Variants in ZC2HC1C observed in about 807,000 individuals in gnomAD.
The protein encoded by ZC2HC1C is zinc finger C2HC domain-containing protein 1C.
A neutral mutation model predicts 39.2 loss-of-function variants in ZC2HC1C; 25 were observed. The ratio of observed to expected loss-of-function variants is 0.64; its 90% CI spans 0.47 to 0.89. The LOEUF is 0.89. Among genes scored for constraint, ZC2HC1C ranks in the 40% least tolerant of loss-of-function variants. The probability of loss-of-function intolerance (pLI) is 0.00; values close to 1 mark genes in which losing one functional copy is unlikely to be tolerated. For synonymous variants in ZC2HC1C, 209 were observed against 214.4 expected (o/e 0.97, Z 0.22); for missense variants, 519 against 548.6 (o/e 0.95, Z 0.54).
Position 75,077,512 on chromosome 14 carries a change from G to A in ZC2HC1C, c.1339-20G>A. 1 of 1,614,130 alleles carries A rather than the reference G, an allele frequency of 6.2e-7. No individual in the cohort carries two copies. Among genetic ancestry groups the A allele is most frequent in the South Asian group, 1.1e-5 (1 of 91,074 alleles). Reference sequence around the variant, plus strand: ...AGATAGGTGCCAACTTGAATGATCAGTCTCCCTTTTACATTACAGGCTGAA... The same window carrying A: ...AGATAGGTGCCAACTTGAATGATCAATCTCCCTTTTACATTACAGGCTGAA... On this transcript the variant is annotated intron_variant, in intron 2 of 2. Coordinates refer to ENST00000524913, the MANE Select transcript of ZC2HC1C (RefSeq NM_024643.4).
intron 1 of ZC2HC1C, 55 bp from the exon 2 acceptor site, chr14:75,070,500 C>G: frequency 6.6e-7 from 1 of 1,522,878 alleles, no homozygotes; most frequent in Non-Finnish European, 8.8e-7. Flanking sequence ...CTTTAGCAGC[C>G]GAGAGTGAAC....
Position 75,071,293 on chromosome 14 carries a change from G to C in ZC2HC1C, c.720G>C (p.Lys240Asn). The C allele has an allele frequency of 6.2e-7, 1 of 1,614,148 alleles. No individual in the cohort carries two copies. The highest frequency in any genetic ancestry group is 1.3e-5 in the African/African-American group (1 of 75,036). Residue 240 changes from lysine to asparagine, a missense_variant, in exon 2 of 3, where the codon AAG becomes AAC. Coordinates refer to ENST00000524913, the MANE Select transcript of ZC2HC1C (RefSeq NM_024643.4). ...TTCTCCTGAGGGGAAAGCTGAAGAAGACAGAGGAGGAACTCAGAAGGATCC... is the reference window on the plus strand; with the variant it reads ...TTCTCCTGAGGGGAAAGCTGAAGAACACAGAGGAGGAACTCAGAAGGATCC... ...KQILLRGKLKKTEEELRRIQT... is the reference protein window; with the variant it reads ...KQILLRGKLKNTEEELRRIQT...
chr14:75,077,783 G>A lies in ZC2HC1C; in HGVS notation c.*219G>A. ...AGAACTGTCTTCCACCTCTAAGGAA[G>A]CATTATAGTTGAGCAGACAACAATG... On this transcript the variant is annotated 3_prime_UTR_variant, in exon 3 of 3. Transcript: ENST00000524913. 1.7e-6 allele frequency: 1 copy of A among 576,968 alleles called. No individual in the cohort carries two copies. The highest frequency in any genetic ancestry group is 3.1e-6 in the Non-Finnish European group (1 of 324,174). The allele number at this position is 576,968 out of a possible 1,614,324, so 35.7% of individuals were successfully genotyped here. A position where few individuals can be genotyped will look rare whatever the true frequency, so the allele number is the denominator to read the frequency against.
Position 75,078,526 on chromosome 14 carries a change from T to G in ZC2HC1C, c.*962T>G, listed in dbSNP as rs780227874. 3.9e-5 allele frequency: 6 copies of G among 152,228 alleles called. No individual in the cohort carries two copies. The highest frequency in any genetic ancestry group is 8.8e-5 in the Non-Finnish European group (6 of 68,044). The allele number at this position is 152,228 out of a possible 1,614,324, so 9.4% of individuals were successfully genotyped here. On this transcript the variant is annotated 3_prime_UTR_variant, in exon 3 of 3. Transcript: ENST00000524913. Reference sequence around the variant, plus strand: ...TATGTTAAGAAAGAAACCTCCATTTTAGCTGTTAGTAGCACTCTACTTTCA... The same window carrying G: ...TATGTTAAGAAAGAAACCTCCATTTGAGCTGTTAGTAGCACTCTACTTTCA...
intron 2 of ZC2HC1C, among the ~76,000 whole-genome samples, chr14:75,074,898 G>C (rs1236286747): frequency 6.6e-6 from 1 of 152,058 alleles, no homozygotes; most frequent in Non-Finnish European, 1.5e-5. Flanking sequence ...ATGGAAGCTG[G>C]GAGTGAAGTT....
Position 75,079,668 on chromosome 14 carries a change from T to G in ZC2HC1C, c.*2104T>G, listed in dbSNP as rs904986092. The G allele has an allele frequency of 6.6e-6, 1 of 152,170 alleles. No homozygotes were observed. The highest frequency in any genetic ancestry group is 1.9e-4 in the East Asian group (1 of 5,204). 9.4% of individuals were successfully genotyped at this position (152,170 alleles called of 1,614,324 possible). The stretch of plus-strand genomic sequence containing the variant: ...CATTTAAAAACTGGGATATGGAACA[T>G]CTCTTGAAAAACTGGAAGTTCTGGA... On this transcript the variant is annotated 3_prime_UTR_variant, in exon 3 of 3. Coordinates refer to ENST00000524913, the MANE Select transcript of ZC2HC1C (RefSeq NM_024643.4).
rs1209263483 is a variant in ZC2HC1C at position 75,071,214 on chromosome 14, G to A, written c.641G>A (p.Arg214Gln). The change falls in exon 2 of 3, where the codon CGA becomes CAA. Residue 214 changes from arginine (R) to glutamine (Q), a missense_variant. Coordinates refer to ENST00000524913, the MANE Select transcript of ZC2HC1C (RefSeq NM_024643.4). ...GACAGGACGGAGTGGGTGCAGATCC[G>A]AAGACTAGAAGCTGCAGGGGAGAGC... The part of the protein sequence containing the change: ...NFDRTEWVQI[R>Q]RLEAAGESLE... The A allele has an allele frequency of 6.2e-6, 10 of 1,614,068 alleles. No homozygotes were observed. The highest frequency in any genetic ancestry group is 7.6e-6 in the Non-Finnish European group (9 of 1,180,044).
Position 75,077,707 on chromosome 14 carries a change from A to G in ZC2HC1C, c.*143A>G, listed in dbSNP as rs1217532862. 2 of 967,878 alleles carry G rather than the reference A, an allele frequency of 2.1e-6. No homozygotes were observed. The highest frequency in any genetic ancestry group is 3.2e-5 in the African/African-American group (2 of 61,724). 60.0% of individuals were successfully genotyped at this position (967,878 alleles called of 1,614,324 possible). On this transcript the variant is annotated 3_prime_UTR_variant, in exon 3 of 3. Transcript: ENST00000524913. Reference sequence around the variant, plus strand: ...ATTCAGTGTCCTCAGTGTAGCCACCACTTTGCTCCCAAGGTGGCTGAGCAA... The same window carrying G: ...ATTCAGTGTCCTCAGTGTAGCCACCGCTTTGCTCCCAAGGTGGCTGAGCAA...
intron 2 of ZC2HC1C, among the ~76,000 whole-genome samples, chr14:75,075,500 C>G (rs1893625848): frequency 6.6e-6 from 1 of 152,166 alleles, no homozygotes; most frequent in South Asian, 2.1e-4. Flanking sequence ...GTACAGAATT[C>G]TAGGAGGAAA....
chr14:75,071,608 A>G lies in ZC2HC1C; in HGVS notation c.1035A>G (p.Pro345=), dbSNP rs1893419602. 1 of 1,614,066 alleles carries G rather than the reference A, an allele frequency of 6.2e-7. No individual in the cohort carries two copies. The highest frequency in any genetic ancestry group is 1.7e-5 in the Admixed American group (1 of 60,004). Residue 345 remains proline, a synonymous_variant, in exon 2 of 3, where the codon CCA becomes CCG. Coordinates refer to ENST00000524913, the MANE Select transcript of ZC2HC1C (RefSeq NM_024643.4). The stretch of plus-strand genomic sequence containing the variant: ...AAATTCGAGACCCAGTCTCAGAGCC[A>G]TCGGTGGAGAAATTCTCCCCGCCTT... ...NNKIRDPVSE[P]SVEKFSPPSE...
rs768225119 is a variant in ZC2HC1C, at chr14:75,071,680, C to T, written c.1107C>T (p.Ser369=). Residue 369 remains serine (S), a synonymous_variant, in exon 2 of 3, where the codon AGC becomes AGT. Coordinates refer to ENST00000524913, the MANE Select transcript of ZC2HC1C (RefSeq NM_024643.4). ...GALQGSARNS[S]LSMAPDSSGS... ...TGCAGGGATCCGCCAGAAATTCCAG[C>T]CTGTCCATGGCACCAGACTCCTCAG... The T allele has an allele frequency of 3.7e-6, 6 of 1,614,164 alleles. No homozygotes were observed. In the Admixed American group the frequency reaches 1.0e-4, roughly 27 times the overall value.
intron 2 of ZC2HC1C, among the ~76,000 whole-genome samples, chr14:75,073,172 G>T (rs1042416848): frequency 2.6e-5 from 4 of 152,178 alleles, no homozygotes; most frequent in South Asian, 4.1e-4. Flanking sequence ...GTAGTTTGGA[G>T]AAATCACAAG....
In ZC2HC1C at chr14:75,071,544, A is replaced by G. The variant is rs1210030928; in HGVS notation, c.971A>G (p.Gln324Arg). The change falls in exon 2 of 3, where the codon CAG (glutamine) becomes CGG (arginine). Residue 324 changes from glutamine to arginine, a missense_variant. Gln to Arg is a conservative substitution (Grantham distance 43, BLOSUM62 1). Coordinates refer to ENST00000524913, the MANE Select transcript of ZC2HC1C (RefSeq NM_024643.4). ...TTCCAGTTCTCTGATTATAGAATCCAGAGGCTCAAAAGGGAAAGGCTGGTA... is the reference window on the plus strand; with the variant it reads ...TTCCAGTTCTCTGATTATAGAATCCGGAGGCTCAAAAGGGAAAGGCTGGTA... ...GPFQFSDYRI[Q>R]RLKRERLVAS... The G allele has an allele frequency of 6.2e-7, 1 of 1,614,064 alleles. No individual in the cohort carries two copies. Among genetic ancestry groups the G allele is most frequent in the Non-Finnish European group, 8.5e-7 (1 of 1,180,036 alleles).
chr14:75,071,643 C>CA lies in ZC2HC1C; in HGVS notation c.1071dup (p.Val358SerfsTer27). On this transcript the variant is annotated frameshift_variant, in exon 2 of 3. Transcript: ENST00000524913. LOFTEE classifies it high-confidence loss of function. Reference sequence around the variant, plus strand: ...AAATTCTCCCCGCCTTCAGAAACACCAGTCGGTGCTTTGCAGGGATCCGCC... The same window carrying CA: ...AAATTCTCCCCGCCTTCAGAAACACCAAGTCGGTGCTTTGCAGGGATCCGCC... 6.2e-7 allele frequency: 1 copy of CA among 1,614,208 alleles called. No homozygotes were observed.
At chr14:75,073,334 C>T (rs1315147444) in intron 2 of ZC2HC1C, among the ~76,000 whole-genome samples, 1 of 152,224 alleles carries the variant, frequency 6.6e-6, no homozygotes, top group East Asian at 1.9e-4. Flanking sequence ...TGGGAATTCA[C>T]TCTATGTCCC....
rs931616813 is a variant in ZC2HC1C, at chr14:75,071,602, A to T, written c.1029A>T (p.Ser343=). ...ATAATAAAATTCGAGACCCAGTCTC[A>T]GAGCCATCGGTGGAGAAATTCTCCC... ...ASNNKIRDPV[S]EPSVEKFSPP... Residue 343 remains serine (S), a synonymous_variant, in exon 2 of 3, where the codon TCA becomes TCT. Coordinates refer to ENST00000524913, the MANE Select transcript of ZC2HC1C (RefSeq NM_024643.4). 3.5e-5 allele frequency: 57 copies of T among 1,614,104 alleles called. No individual in the cohort carries two copies. The highest frequency in any genetic ancestry group is 4.7e-5 in the Non-Finnish European group (55 of 1,180,046).
rs1276432281 is a variant in ZC2HC1C, at chr14:75,079,966, G to A, written c.*2402G>A. Reference sequence around the variant, plus strand: ...AGTTGTTTGCTCTCATTTTGCTAAAGAAATAAAACAATAGTCAATGCCTTA... The same window carrying A: ...AGTTGTTTGCTCTCATTTTGCTAAAAAAATAAAACAATAGTCAATGCCTTA... On this transcript the variant is annotated 3_prime_UTR_variant, in exon 3 of 3. Transcript: ENST00000524913. The A allele has an allele frequency of 6.6e-6, 1 of 152,224 alleles. No individual in the cohort carries two copies. The highest frequency in any genetic ancestry group is 1.5e-5 in the Non-Finnish European group (1 of 68,036). 9.4% of individuals were successfully genotyped at this position (152,224 alleles called of 1,614,324 possible).
At chr14:75,076,862 G>A (rs2139686680) in intron 2 of ZC2HC1C, among the ~76,000 whole-genome samples, 2 of 152,092 alleles carry the variant, frequency 1.3e-5, no homozygotes, top group African/African-American at 4.8e-5. Flanking sequence ...GCTTAAGTGG[G>A]GCTCATTGAC....
In ZC2HC1C at chr14:75,071,470, CAG is replaced by C; in HGVS notation, c.898_899del (p.Arg300GlufsTer4). On this transcript the variant is annotated frameshift_variant, in exon 2 of 3. Coordinates refer to ENST00000524913, the MANE Select transcript of ZC2HC1C (RefSeq NM_024643.4). LOFTEE classifies it high-confidence loss of function. ...FEFEEEFSRD[R>X]REDETWGRSQ... is the part of the protein sequence containing the mutation. Reference sequence around the variant, plus strand: ...AGTTTGAGGAAGAATTTAGTAGAGACAGGAGAGAGGATGAAACTTGGGGACGG... The same window carrying C: ...AGTTTGAGGAAGAATTTAGTAGAGACGAGAGAGGATGAAACTTGGGGACGG... The C allele has an allele frequency of 6.2e-7, 1 of 1,614,150 alleles. No individual in the cohort carries two copies. The highest frequency in any genetic ancestry group is 8.5e-7 in the Non-Finnish European group (1 of 1,180,038).
Sources: allele counts gnomAD v4.1 joint callset (sites outside exome capture counted in the v4.1 genomes callset), GRCh38; gene constraint gnomAD v4.1.1; transcripts MANE v1.5; gene names NCBI Gene and HGNC (gene_info 2026-07-23, HGNC 2026-07-21).